HFM1: variants seen among roughly 807,000 people sequenced by gnomAD.
HFM1 encodes the protein helicase for meiosis 1.
Under a neutral mutation model 192.1 loss-of-function variants are expected in HFM1, and 169 were observed. The ratio of observed to expected loss-of-function variants is 0.88; its 90% confidence interval spans 0.78 to 1.00. HFM1 has a LOEUF of 1.00. Ranked by LOEUF, HFM1 falls within the 50% of genes least tolerant of loss-of-function variation. The pLI is 0.00. For missense variants in HFM1, 1,661 were observed against 1,668.0 expected (o/e 1.00, Z 0.07); for synonymous variants, 525 against 537.8 (o/e 0.98, Z 0.33).
intron 30 of HFM1, among the ~76,000 whole-genome samples, chr1:91,288,164 G>A (rs1348615986): frequency 6.6e-6 from 1 of 150,446 alleles, no homozygotes; most frequent in African/African-American, 2.5e-5. Flanking sequence ...TACAGAGAAC[G>A]CCACAGAGAT....
chr1:91,385,246 A>G lies in HFM1; in HGVS notation c.755-12T>C. 6.8e-7 allele frequency: 1 copy of G among 1,479,926 alleles called. No individual in the cohort carries two copies. Among genetic ancestry groups the G allele is most frequent in the Non-Finnish European group, 9.4e-7 (1 of 1,067,364 alleles). 91.7% of individuals were successfully genotyped at this position (1,479,926 alleles called of 1,614,324 possible). ...ATTTTCTGTTACCTCTGAAAAAAAA[A>G]TGCTACATATTTATATAAATATCAA... On this transcript the variant is annotated splice_polypyrimidine_tract_variant and intron_variant, in intron 5 of 38. Coordinates refer to ENST00000370425, the MANE Select transcript of HFM1 (RefSeq NM_001017975.6).
At chr1:91,387,693 A>C (rs1392346583) in intron 4 of HFM1, among the ~76,000 whole-genome samples, 1 of 139,434 alleles carries the variant, frequency 7.2e-6, no homozygotes, top group Non-Finnish European at 1.5e-5. Flanking sequence ...GCATATTCTC[A>C]CTCATAGGTG....
chr1:91,390,398 T>C (rs1466675114), intron 4 of HFM1, among the ~76,000 whole-genome samples: 4 of 142,384 alleles, frequency 2.8e-5, no homozygotes, highest in African/African-American at 1.1e-4. Context: ...ATCACACCAC[T>C]GCACTCAAGC....
chr1:91,317,617 T>C (rs1055806397), intron 25 of HFM1, among the ~76,000 whole-genome samples: 10 of 152,178 alleles, frequency 6.6e-5, no homozygotes, highest in African/African-American at 2.4e-4. Context: ...ATTACATGTA[T>C]TACTGGTGAA....
At position 91,267,830 on chromosome 1, in the gene HFM1, C is replaced by A; in HGVS notation, c.3798G>T (p.Leu1266Phe). The change falls in exon 35 of 39, where the codon TTG becomes TTT. Residue 1266 changes from leucine to phenylalanine, a missense_variant. Physicochemically the swap from Leu to Phe is conservative, Grantham distance 22 (BLOSUM62 0). Transcript: ENST00000370425. ...CAAAATCATCCCAAACTTCATTTCC[C>A]AATTCAAAGTTCACATTCAAAACTT... ...DKEVLNVNFE[L>F]GNEVWDDFDD... The A allele has an allele frequency of 6.3e-7, 1 of 1,579,270 alleles. No homozygotes were observed. The highest frequency in any genetic ancestry group is 2.3e-5 in the East Asian group (1 of 42,614).
rs112090967 is a variant in HFM1 at position 91,400,480 on chromosome 1, CTT to C, written c.71+530_71+531del. ...AAATGCAAGCCAAATAGGCAAGAAT[CTT>C]TTTTTTTTTTTTTTCTTTTGATAGA... is the stretch of plus-strand genomic sequence containing the variant. On this transcript the variant is annotated intron_variant, in intron 2 of 38. Transcript: ENST00000370425. Among the ~76,000 whole-genome samples the C allele has an allele frequency of 5.2e-3, 723 of 139,078 alleles. 4 individuals carry two copies. Among genetic ancestry groups the C allele is most frequent in the South Asian group, 9.3e-3 (41 of 4,402 alleles). The allele number at this position is 139,078 out of a possible 152,430, so 91.2% of individuals were successfully genotyped here.
chr1:91,281,262 A>G (rs941630140), intron 30 of HFM1, among the ~76,000 whole-genome samples: 4 of 152,174 alleles, frequency 2.6e-5, no homozygotes, highest in African/African-American at 9.7e-5. Context: ...AATCAAGTGG[A>G]GTGGTTTTCT....
intron 20 of HFM1, among the ~76,000 whole-genome samples, chr1:91,327,604 C>T (rs1477365102): frequency 2.0e-5 from 3 of 152,192 alleles, no homozygotes; most frequent in African/African-American, 2.4e-5. Context: ...AAACATCAAA[C>T]TTAATCTGCA....
chr1:91,350,589 CTT>C lies in HFM1; in HGVS notation c.2206+147_2206+148del, dbSNP rs999288510. ...ATAAAAATTTCTCAGCTTGTCTACT[CTT>C]GTCTCTAAATGTATTTGGGACTGTT... On this transcript the variant is annotated intron_variant, in intron 18 of 38. Transcript: ENST00000370425. 25 of 597,700 alleles carry C rather than the reference CTT, an allele frequency of 4.2e-5. No individual in the cohort carries two copies. In the African/African-American group the frequency reaches 4.4e-4, roughly 11 times the overall value. The allele number at this position is 597,700 out of a possible 1,614,324, so 37.0% of individuals were successfully genotyped here.
chr1:91,320,236 T>C (rs920641318), intron 23 of HFM1, among the ~76,000 whole-genome samples: 1 of 152,202 alleles, frequency 6.6e-6, no homozygotes, highest in Non-Finnish European at 1.5e-5. Context: ...AACGGCAGAA[T>C]AGTTATATTT....
intron 13 of HFM1, among the ~76,000 whole-genome samples, chr1:91,373,762 T>C (rs895457732): frequency 6.6e-6 from 1 of 152,070 alleles, no homozygotes; most frequent in Non-Finnish European, 1.5e-5. Flanking sequence ...TGTGGTGCCA[T>C]GTTTCTTGTA....
intron 30 of HFM1, 42 bp downstream of exon 30, chr1:91,313,307 T>C: frequency 8.3e-7 from 1 of 1,211,594 alleles, no homozygotes; most frequent in Non-Finnish European, 1.2e-6. Context: ...CCTAGCCATA[T>C]CTTTGCTTTA....
At chr1:91,315,769 G>GT (rs1557834937) in intron 28 of HFM1, 46 bp downstream of exon 28, 1 of 1,462,284 alleles carries the variant, frequency 6.8e-7, no homozygotes, top group Non-Finnish European at 9.3e-7. Flanking sequence ...TTCTTTTACA[G>GT]TATATGCTTA....
chr1:91,266,038 A>G lies in HFM1; in HGVS notation c.3953T>C (p.Phe1318Ser). The part of the protein sequence containing the change: ...KLPLQESKSK[F>S]QREMSNSFVS... ...TTGCCTGTTTGACATTTCTCTTTGGAATTTGCTCTTTGACTCTTGAAGGGG... is the reference window on the plus strand; with the variant it reads ...TTGCCTGTTTGACATTTCTCTTTGGGATTTGCTCTTTGACTCTTGAAGGGG... The change falls in exon 36 of 39, where the codon TTC becomes TCC. Residue 1318 changes from phenylalanine (F) to serine (S), a missense_variant. Phe to Ser is a radical substitution (Grantham distance 155). Transcript: ENST00000370425. The G allele has an allele frequency of 6.3e-7, 1 of 1,582,038 alleles. No homozygotes were observed. Among genetic ancestry groups the G allele is most frequent in the South Asian group, 1.2e-5 (1 of 85,630 alleles).
chr1:91,386,967 A>C (rs929627297), intron 4 of HFM1, among the ~76,000 whole-genome samples: 24 of 152,346 alleles, frequency 1.6e-4, no homozygotes, highest in Non-Finnish European at 7.4e-5. Context: ...TTTCAATGTA[A>C]GAACTACTTC....
chr1:91,304,976 G>C (rs1346245019), intron 30 of HFM1, among the ~76,000 whole-genome samples: 1 of 152,130 alleles, frequency 6.6e-6, no homozygotes, highest in Non-Finnish European at 1.5e-5. Flanking sequence ...TAAACTGGCA[G>C]AGAGGTAAAG....
intron 2 of HFM1, among the ~76,000 whole-genome samples, chr1:91,396,757 C>T (rs1571239256): frequency 6.6e-6 from 1 of 152,320 alleles, no homozygotes; most frequent in Middle Eastern, 3.4e-3. Context: ...TAACAAATTA[C>T]TTGACATATC....
chr1:91,401,208 A>ACGGCG, intron 1 of HFM1, 99 bp from the exon 2 acceptor site: 1 of 600,908 alleles, frequency 1.7e-6, no homozygotes, highest in South Asian at 2.1e-5. Flanking sequence ...TGTAAAATAT[A>ACGGCG]ACCACAGACT....
chr1:91,374,700 G>C (rs1345388805), intron 13 of HFM1, among the ~76,000 whole-genome samples: 1 of 152,136 alleles, frequency 6.6e-6, no homozygotes, highest in Non-Finnish European at 1.5e-5. Flanking sequence ...GGTACATAGT[G>C]AGTTTGAGAT....
Sources: gnomAD v4.1 joint callset for allele counts (sites outside exome capture counted in the v4.1 genomes callset) on GRCh38, gnomAD v4.1.1 for gene constraint, MANE v1.5 for transcripts, NCBI Gene and HGNC (gene_info 2026-07-23, HGNC 2026-07-21) for gene names.